AHI1: variants seen among roughly 807,000 people sequenced by gnomAD.
The protein encoded by AHI1 is jouberin.
In AHI1, 123 loss-of-function variants were observed where a neutral mutation model predicts 149.3. The observed-to-expected ratio is 0.82, with a 90% confidence interval of 0.71 to 0.96. The LOEUF (loss-of-function observed/expected upper bound fraction) is 0.96. Ranked by LOEUF, AHI1 falls within the 40% of genes least tolerant of loss-of-function variation. AHI1 has a pLI of 0.00. For missense variants in AHI1, 1,439 were observed against 1,422.7 expected, an observed-to-expected ratio of 1.01 and a Z score of -0.18; for synonymous variants, 475 against 459.8, an observed-to-expected ratio of 1.03 and a Z score of -0.42.
chr6:135,416,353 C>G (rs1261633091), intron 20 of AHI1, among the ~76,000 whole-genome samples: 2 of 147,974 alleles, frequency 1.4e-5, no homozygotes, highest in Admixed American at 6.7e-5. Context: ...AATAAAAATG[C>G]AAATTAGAAA....
chr6:135,354,842 G>T (rs911727869), intron 24 of AHI1, among the ~76,000 whole-genome samples: 1 of 152,086 alleles, frequency 6.6e-6, no homozygotes, highest in African/African-American at 2.4e-5. Flanking sequence ...TTAGTGAAAA[G>T]AAAGCCACAC....
At chr6:135,339,479 A>G (rs1789960677) in intron 24 of AHI1, among the ~76,000 whole-genome samples, 1 of 152,218 alleles carries the variant, frequency 6.6e-6, no homozygotes, top group Non-Finnish European at 1.5e-5. Flanking sequence ...CCAAACAAAC[A>G]AACAAAAAAT....
chr6:135,347,875 A>G (rs991085950), intron 24 of AHI1, among the ~76,000 whole-genome samples: 2 of 152,252 alleles, frequency 1.3e-5, no homozygotes, highest in African/African-American at 4.8e-5. Flanking sequence ...AAGTCTGCAT[A>G]TGTTGCCATA....
intron 7 of AHI1, among the ~76,000 whole-genome samples, chr6:135,464,424 T>C (rs1790414767): frequency 1.3e-5 from 2 of 152,196 alleles, no homozygotes; most frequent in Admixed American, 1.3e-4. Flanking sequence ...TAGTATACTA[T>C]GGTAGGAAGC....
intron 23 of AHI1, among the ~76,000 whole-genome samples, chr6:135,364,537 A>T (rs2128447098): frequency 6.7e-6 from 1 of 150,046 alleles, no homozygotes; most frequent in Non-Finnish European, 1.5e-5. Context: ...AGGCCAAGGC[A>T]GGCGGCTGGG....
chr6:135,412,708 A>G (rs1249968261), intron 20 of AHI1, among the ~76,000 whole-genome samples: 2 of 152,256 alleles, frequency 1.3e-5, no homozygotes, highest in Non-Finnish European at 2.9e-5. Context: ...GAAAAAATAT[A>G]TAAACTCATC....
chr6:135,341,271 C>G (rs1217815207), intron 24 of AHI1, among the ~76,000 whole-genome samples: 1 of 151,954 alleles, frequency 6.6e-6, no homozygotes, highest in Non-Finnish European at 1.5e-5. Context: ...ACATACCATG[C>G]AAATGGAAAT....
chr6:135,301,060 A>G (rs1464793923), intron 26 of AHI1: 11 of 984,994 alleles, frequency 1.1e-5, no homozygotes, highest in African/African-American at 1.7e-5. Flanking sequence ...CCTTCGTGAG[A>G]AAAACAATAA....
rs954620666 is a variant in AHI1, at chr6:135,428,495, A to T, written c.2623+134T>A. 4.5e-6 allele frequency: 5 copies of T among 1,119,548 alleles called. No individual in the cohort carries two copies. In the Admixed American group the frequency reaches 1.7e-4, roughly 37 times the overall value. 69.4% of individuals were successfully genotyped at this position (1,119,548 alleles called of 1,614,324 possible). A position where few individuals can be genotyped will look rare whatever the true frequency, so the allele number is the denominator to read the frequency against. On this transcript the variant is annotated intron_variant, in intron 19 of 28. Transcript: ENST00000265602. ...AGCTGAGTTCCTTTAAAGGCTTTCTAATCTTAAAAAACATAATTGAAAACC... is the reference window on the plus strand; with the variant it reads ...AGCTGAGTTCCTTTAAAGGCTTTCTTATCTTAAAAAACATAATTGAAAACC...
At chr6:135,426,120 G>C (rs1783877962) in intron 20 of AHI1, among the ~76,000 whole-genome samples, 1 of 151,704 alleles carries the variant, frequency 6.6e-6, no homozygotes, top group Non-Finnish European at 1.5e-5. Context: ...CACCAGATTT[G>C]GACATTGAAT....
At chr6:135,336,373 G>A (rs1034015768) in intron 24 of AHI1, among the ~76,000 whole-genome samples, 4 of 152,140 alleles carry the variant, frequency 2.6e-5, no homozygotes, top group Admixed American at 6.6e-5. Flanking sequence ...TGAGGTGGGC[G>A]GATCGCTTGA....
intron 23 of AHI1, among the ~76,000 whole-genome samples, chr6:135,364,240 T>C (rs1214423979): frequency 6.7e-6 from 1 of 149,496 alleles, no homozygotes; most frequent in Non-Finnish European, 1.5e-5. Context: ...GAGACGCTCC[T>C]CACATCCTGG....
chr6:135,297,431 C>A (rs1783247837), intron 27 of AHI1: 1 of 456,242 alleles, frequency 2.2e-6, no homozygotes, highest in South Asian at 1.5e-5. Context: ...TCAAGCCTTA[C>A]CTTTATCTAG....
At chr6:135,390,098 A>G (rs1183528501) in intron 23 of AHI1, among the ~76,000 whole-genome samples, 2 of 152,152 alleles carry the variant, frequency 1.3e-5, no homozygotes, top group Non-Finnish European at 2.9e-5. Context: ...TCTTCTTCCA[A>G]TGTGGCCCTG....
At chr6:135,467,499 C>T (rs1252556561) in intron 6 of AHI1, 82 bp downstream of exon 6, 1 of 1,120,598 alleles carries the variant, frequency 8.9e-7, no homozygotes, top group Non-Finnish European at 1.4e-6. Context: ...TGGACAAAAA[C>T]CATTGCTGAC....
At chr6:135,394,394 A>G (rs1778929522) in intron 23 of AHI1, among the ~76,000 whole-genome samples, 1 of 152,036 alleles carries the variant, frequency 6.6e-6, no homozygotes, top group Non-Finnish European at 1.5e-5. Flanking sequence ...GTTACATCCT[A>G]TTTCTGCCAA....
chr6:135,366,208 C>A (rs1774154289), intron 23 of AHI1, among the ~76,000 whole-genome samples: 1 of 151,562 alleles, frequency 6.6e-6, no homozygotes, highest in Non-Finnish European at 1.5e-5. Flanking sequence ...AGGATTTTTG[C>A]ATTTATGTTA....
intron 24 of AHI1, among the ~76,000 whole-genome samples, chr6:135,330,634 T>C (rs1788428607): frequency 1.3e-5 from 2 of 152,232 alleles, no homozygotes; most frequent in East Asian, 1.9e-4. Context: ...GGTATGACTG[T>C]ACAGAATTGC....
At chr6:135,319,558 T>C (rs1216197235) in intron 25 of AHI1, among the ~76,000 whole-genome samples, 2 of 152,262 alleles carry the variant, frequency 1.3e-5, no homozygotes, top group Non-Finnish European at 2.9e-5. Flanking sequence ...TGAATCTATA[T>C]ACAGTGTTGA....
Sources: allele counts gnomAD v4.1 joint callset (sites outside exome capture counted in the v4.1 genomes callset), GRCh38; gene constraint gnomAD v4.1.1; transcripts MANE v1.5; gene names NCBI Gene and HGNC (gene_info 2026-07-23, HGNC 2026-07-21).